PPP1R37: variants seen among roughly 807,000 people sequenced by gnomAD.
The protein encoded by PPP1R37 is leucine rich repeat containing 68.
Under a neutral mutation model 61.0 loss-of-function variants are expected in PPP1R37, and 21 were observed. The observed-to-expected ratio is 0.34, with a 90% confidence interval of 0.24 to 0.50. PPP1R37 has a LOEUF of 0.50. PPP1R37 is among the 20% of genes least tolerant of loss of function. The pLI, the probability that PPP1R37 is intolerant of heterozygous loss-of-function variation, is 0.98. For missense variants in PPP1R37, 910 were observed against 952.7 expected (o/e 0.96, Z 0.59); for synonymous variants, 443 against 433.5 (o/e 1.02, Z -0.27).
chr19:45,118,692 CAG>C (rs971486479), intron 1 of PPP1R37, among the ~76,000 whole-genome samples: 7 of 152,328 alleles, frequency 4.6e-5, no homozygotes, highest in African/African-American at 1.2e-4. Flanking sequence ...CCGTGTACCT[CAG>C]AGTTCTCCTT....
chr19:45,124,769 T>C (rs1028551844), intron 1 of PPP1R37, among the ~76,000 whole-genome samples: 2 of 150,002 alleles, frequency 1.3e-5, no homozygotes, highest in Non-Finnish European at 3.0e-5. Context: ...AAGACCAACC[T>C]GTACAACATA....
chr19:45,103,285 A>G (rs1968086985), intron 1 of PPP1R37, among the ~76,000 whole-genome samples: 1 of 152,216 alleles, frequency 6.6e-6, no homozygotes, highest in Non-Finnish European at 1.5e-5. Flanking sequence ...TGACATCCGC[A>G]CAGCTCATGT....
chr19:45,133,471 G>A (rs1263067188), intron 1 of PPP1R37, among the ~76,000 whole-genome samples: 1 of 152,226 alleles, frequency 6.6e-6, no homozygotes, highest in African/African-American at 2.4e-5. Flanking sequence ...AGGTCACTGA[G>A]TGTGTGAGAG....
chr19:45,106,477 C>A (rs560719434), intron 1 of PPP1R37, among the ~76,000 whole-genome samples: 4 of 152,228 alleles, frequency 2.6e-5, no homozygotes, highest in African/African-American at 7.2e-5. Flanking sequence ...CTCCTGACCT[C>A]AAATGATCCA....
rs28719739 is a variant in PPP1R37, at chr19:45,146,743, C to T, written c.*181C>T. ...GCAGGAGCTACAGGGAGTGGCCCTCCGCGCGTGACTCAAGCACTTCTATTT... is the reference window on the plus strand; with the variant it reads ...GCAGGAGCTACAGGGAGTGGCCCTCTGCGCGTGACTCAAGCACTTCTATTT... On this transcript the variant is annotated 3_prime_UTR_variant, in exon 13 of 13. Coordinates refer to ENST00000221462, the MANE Select transcript of PPP1R37 (RefSeq NM_019121.2). 8,154 of 421,416 alleles carry T rather than the reference C, an allele frequency of 0.019. 544 individuals are homozygous for T. Among genetic ancestry groups the T allele is most frequent in the African/African-American group, 0.15 (7,160 of 49,192 alleles). 26.1% of individuals were successfully genotyped at this position (421,416 alleles called of 1,614,324 possible).
chr19:45,145,742 G>A lies in PPP1R37; in HGVS notation c.1686G>A (p.Pro562=), dbSNP rs555518641. The part of the protein sequence containing the change: ...PTEQRISVSS[P]GRGHKVFVVT... The stretch of plus-strand genomic sequence containing the variant: ...AGCAGCGGATTTCCGTGTCCAGCCC[G>A]GGCCGGGGCCACAAGGTGTTTGTGG... The change falls in exon 11 of 13, where the codon CCG becomes CCA. Residue 562 remains proline (P), a synonymous_variant. Transcript: ENST00000221462. 1.7e-4 allele frequency: 257 copies of A among 1,529,334 alleles called. 1 individual carries two copies. In the East Asian group the frequency reaches 5.2e-3, roughly 31 times the overall value. The allele number at this position is 1,529,334 out of a possible 1,614,324, so 94.7% of individuals were successfully genotyped here. A position where few individuals can be genotyped will look rare whatever the true frequency, so the allele number is the denominator to read the frequency against.
chr19:45,124,616 C>T (rs1031432058), intron 1 of PPP1R37, among the ~76,000 whole-genome samples: 1 of 152,072 alleles, frequency 6.6e-6, no homozygotes, highest in African/African-American at 2.4e-5. Context: ...GGGCAGGGAC[C>T]AGTTCAGAGC....
intron 1 of PPP1R37, among the ~76,000 whole-genome samples, chr19:45,108,270 C>T (rs904384645): frequency 6.6e-6 from 1 of 152,148 alleles, no homozygotes; most frequent in Non-Finnish European, 1.5e-5. Flanking sequence ...AGTGCAGTGG[C>T]GTGATCTTGG....
Position 45,140,965 on chromosome 19 carries a change from G to A in PPP1R37, c.448-357G>A, listed in dbSNP as rs577633422. Among the ~76,000 whole-genome samples, 96 of 152,268 alleles carry A rather than the reference G, an allele frequency of 6.3e-4. 1 individual carries two copies. The highest frequency in any genetic ancestry group is 1.1e-3 in the Non-Finnish European group (74 of 68,000). ...AGCAGCCTCCCATCAAGGCCCAAGG[G>A]CCCTCACCTCCTCAGCCTTGGGAGT... is the stretch of plus-strand genomic sequence containing the variant. On this transcript the variant is annotated intron_variant, in intron 4 of 12. Coordinates refer to ENST00000221462, the MANE Select transcript of PPP1R37 (RefSeq NM_019121.2).
chr19:45,118,006 T>A (rs1968292653), intron 1 of PPP1R37, among the ~76,000 whole-genome samples: 1 of 152,216 alleles, frequency 6.6e-6, no homozygotes, highest in African/African-American at 2.4e-5. Flanking sequence ...GCCCAGCGGT[T>A]GTTCACTGGG....
At chr19:45,110,224 T>C (rs1968183837) in intron 1 of PPP1R37, among the ~76,000 whole-genome samples, 1 of 151,464 alleles carries the variant, frequency 6.6e-6, no homozygotes, top group Non-Finnish European at 1.5e-5. Flanking sequence ...CAGGTGATCC[T>C]CCCGCCTCAG....
At position 45,130,388 on chromosome 19, in the gene PPP1R37, C is replaced by T. The variant is rs1047159365; in HGVS notation, c.203-8126C>T. On this transcript the variant is annotated intron_variant, in intron 1 of 12. Coordinates refer to ENST00000221462, the MANE Select transcript of PPP1R37 (RefSeq NM_019121.2). This position sits in a 1 kb window ranked among gnomAD's most constrained non-coding sequence, Gnocchi z 4.4. ...AGAGCGAAGTCCTCACCAGGGTCCA[C>T]GGGGTCACCGTCCCACATCATCCCC... is the stretch of plus-strand genomic sequence containing the variant. 3.3e-5 allele frequency among the ~76,000 whole-genome samples: 5 copies of T among 152,180 alleles called. No homozygotes were observed. Among genetic ancestry groups the T allele is most frequent in the Admixed American group, 6.5e-5 (1 of 15,282 alleles).
intron 1 of PPP1R37, among the ~76,000 whole-genome samples, chr19:45,115,091 G>C (rs532691730): frequency 5.3e-5 from 8 of 152,170 alleles, no homozygotes; most frequent in African/African-American, 1.4e-4. Context: ...TCCTGTACTG[G>C]GGACACAGCA....
At position 45,146,001 on chromosome 19, in the gene PPP1R37, C is replaced by T. The variant is rs888047985; in HGVS notation, c.1945C>T (p.Pro649Ser). Residue 649 changes from proline (P) to serine (S), a missense_variant, in exon 11 of 13, where the codon CCG becomes TCG. Pro to Ser is a moderately conservative substitution (Grantham distance 74). Around this residue, in one of 3 missense-constraint regions of PPP1R37, gnomAD observed 549 missense variants for 505.1 expected, o/e 1.09. Coordinates refer to ENST00000221462, the MANE Select transcript of PPP1R37 (RefSeq NM_019121.2). Reference protein sequence around the residue: ...PEFALALPPEPPPGPEVKGGS... With the variant: ...PEFALALPPESPPGPEVKGGS... The stretch of plus-strand genomic sequence containing the variant: ...GTTCGCCCTGGCACTGCCCCCTGAG[C>T]CGCCCCCGGGGCCTGAGGTCAAGGG... 28 of 1,533,392 alleles carry T rather than the reference C, an allele frequency of 1.8e-5. No homozygotes were observed. Among genetic ancestry groups the T allele is most frequent in the Non-Finnish European group, 2.4e-5 (27 of 1,145,618 alleles). 95.0% of individuals were successfully genotyped at this position (1,533,392 alleles called of 1,614,324 possible).
At chr19:45,118,353 G>A (rs1477160645) in intron 1 of PPP1R37, among the ~76,000 whole-genome samples, 44 of 152,192 alleles carry the variant, frequency 2.9e-4, no homozygotes, top group Non-Finnish European at 1.5e-5. Flanking sequence ...GTGTGGCCAC[G>A]GAGCTGACTT....
intron 1 of PPP1R37, among the ~76,000 whole-genome samples, chr19:45,103,536 T>C (rs1939396903): frequency 6.6e-6 from 1 of 152,070 alleles, no homozygotes; most frequent in South Asian, 2.1e-4. Flanking sequence ...GTCAGCGATG[T>C]AGTGGAGAAC....
chr19:45,093,716 T>C lies in PPP1R37; in HGVS notation c.202+189T>C, dbSNP rs539722156. ...TATGGAGTTGGGAAGGTGAAAAGTA[T>C]CTGGTTTCTGCCGCACCCCACCCAC... On this transcript the variant is annotated intron_variant, in intron 1 of 12. Transcript: ENST00000221462. Among the ~76,000 whole-genome samples the C allele has an allele frequency of 3.9e-5, 6 of 152,264 alleles. No homozygotes were observed. In the East Asian group the frequency reaches 9.6e-4, roughly 24 times the overall value.
chr19:45,132,587 T>C (rs1651167718), intron 1 of PPP1R37, among the ~76,000 whole-genome samples: 1 of 151,642 alleles, frequency 6.6e-6, no homozygotes, highest in Non-Finnish European at 1.5e-5. Flanking sequence ...AGGCACACAC[T>C]ACCACGCCTG....
At position 45,121,316 on chromosome 19, in the gene PPP1R37, C is replaced by G. The variant is rs921029746; in HGVS notation, c.203-17198C>G. 1.3e-5 allele frequency among the ~76,000 whole-genome samples: 2 copies of G among 152,222 alleles called. No homozygotes were observed. The highest frequency in any genetic ancestry group is 2.9e-5 in the Non-Finnish European group (2 of 68,036). On this transcript the variant is annotated intron_variant, in intron 1 of 12. Transcript: ENST00000221462. The surrounding 1 kb of genome is among the most constrained non-coding windows in gnomAD (Gnocchi z 4.2). ...CTCACACTCTGGGATGAGGGACTTT[C>G]CTCCTCAGGGCGTCTGTCTCCCTGC...
Sources: gnomAD v4.1 joint callset for allele counts (sites outside exome capture counted in the v4.1 genomes callset) on GRCh38, gnomAD v4.1.1 for gene constraint, gnomAD v4.1.1 regional missense constraint, Gnocchi (gnomAD v3.1) non-coding constraint, MANE v1.5 for transcripts, NCBI Gene and HGNC (gene_info 2026-07-23, HGNC 2026-07-21) for gene names.